Variants in LCTL observed in about 807,000 individuals in gnomAD.
LCTL encodes the protein lactase like, also known as lactase-like protein.
In LCTL, 76 loss-of-function variants were observed where a neutral mutation model predicts 75.8. The ratio of observed to expected loss-of-function variants is 1.00; its 90% confidence interval spans 0.83 to 1.21. The LOEUF (loss-of-function observed/expected upper bound fraction) is 1.21. LCTL is among the 50% of genes most tolerant of loss of function. The probability of loss-of-function intolerance (pLI) is 0.00; values close to 1 mark genes in which losing one functional copy is unlikely to be tolerated. For missense variants in LCTL, 670 were observed against 712.4 expected, an observed-to-expected ratio of 0.94 and a Z score of 0.68; for synonymous variants, 271 against 268.8, an observed-to-expected ratio of 1.01 and a Z score of -0.08.
chr15:66,552,240 C>T (rs897079418), intron 9 of LCTL, 71 bp from the exon 11 acceptor site: 3 of 1,260,196 alleles, frequency 2.4e-6, no homozygotes, highest in Admixed American at 4.5e-5. Flanking sequence ...GTCAGAGGCT[C>T]ATATAGGAAC....
chr15:66,564,930 T>G, intron 1 of LCTL, 91 bp from the exon 3 acceptor site: 1 of 1,242,104 alleles, frequency 8.1e-7, no homozygotes, highest in Non-Finnish European at 1.1e-6. Context: ...CCTCAGGGAC[T>G]GCCCCTCCCT....
At chr15:66,553,605 ATT>A (rs760058586) in intron 8 of LCTL, among the ~76,000 whole-genome samples, 1 of 150,620 alleles carries the variant, frequency 6.6e-6, no homozygotes, top group Non-Finnish European at 1.5e-5. Context: ...AATACAAAAA[ATT>A]AGCCGGGCGT....
intron 12 of LCTL, 44 bp from the exon 14 acceptor site, chr15:66,548,649 C>A: frequency 1.0e-6 from 1 of 1,001,448 alleles, no homozygotes; most frequent in South Asian, 1.3e-5. Flanking sequence ...AGAACAGGAT[C>A]ATTTTAGTAA....
At chr15:66,559,404 A>G (rs1052616671) in intron 6 of LCTL, among the ~76,000 whole-genome samples, 8 of 152,204 alleles carry the variant, frequency 5.3e-5, no homozygotes, top group African/African-American at 1.7e-4. Flanking sequence ...TGTCAAAACA[A>G]TATCAGAATC....
exon 6 of LCTL, chr15:66,561,011 T>A: frequency 6.2e-7 from 1 of 1,613,918 alleles, no homozygotes; most frequent in Non-Finnish European, 8.5e-7. Flanking sequence ...CTCACCTTAA[T>A]GATGTGGTGT....
chr15:66,557,629 C>T, intron 8 of LCTL, 93 bp downstream of exon 9: 1 of 1,276,532 alleles, frequency 7.8e-7, no homozygotes, highest in Non-Finnish European at 1.1e-6. Flanking sequence ...CACCCAGGCC[C>T]AGTGAGCTCT....
At position 66,565,178 on chromosome 15, in the gene LCTL, T is replaced by A; in HGVS notation, c.118+70A>T. ...TCAGGAAGCAAGAACACCAAACTCC[T>A]TGTCAAGTCAGCCAAAGTGGGCAGG... On this transcript the variant is annotated intron_variant, in intron 1 of 12. Transcript: ENST00000341509. 2.9e-6 allele frequency: 3 copies of A among 1,029,888 alleles called. No individual in the cohort carries two copies. The South Asian group carries it at 3.9e-5, about 13-fold the overall frequency. 63.8% of individuals were successfully genotyped at this position (1,029,888 alleles called of 1,614,324 possible). A position where few individuals can be genotyped will look rare whatever the true frequency, so the allele number is the denominator to read the frequency against.
chr15:66,563,453 A>T, intron 4 of LCTL, 63 bp downstream of exon 5: 1 of 1,189,172 alleles, frequency 8.4e-7, no homozygotes, highest in Non-Finnish European at 1.2e-6. Flanking sequence ...CAAGTCCTCA[A>T]ACTGGGCTCC....
At position 66,561,091 on chromosome 15, in the gene LCTL, T is replaced by C. The variant is rs768675091; in HGVS notation, c.620A>G (p.Glu207Gly). 6 of 1,614,076 alleles carry C rather than the reference T, an allele frequency of 3.7e-6. No individual in the cohort carries two copies. The African/African-American group carries it at 8.0e-5, about 22-fold the overall frequency. The change falls in exon 6 of 13, where the codon GAA becomes GGA. Residue 207 changes from glutamate to glycine, a missense_variant. Glu to Gly is a moderately conservative substitution (Grantham distance 98, BLOSUM62 -2). Coordinates refer to ENST00000341509, the Ensembl canonical transcript of LCTL. ...ATGGTGGCCCGTCTCATAGCCTTTT[T>C]CTGCCATTGCCTATAGGGACAGCAA...
exon 7 of LCTL, chr15:66,558,030 C>G: frequency 6.2e-7 from 1 of 1,603,596 alleles, no homozygotes; most frequent in Non-Finnish European, 8.5e-7. Context: ...CAGGCTTTGG[C>G]GTGGGCCTGA....
chr15:66,559,034 GT>G (rs929879964), intron 6 of LCTL, among the ~76,000 whole-genome samples: 7 of 147,318 alleles, frequency 4.8e-5, no homozygotes, highest in Admixed American at 1.4e-4. Flanking sequence ...TTTGTTTTTT[GT>G]TTTTTTTTTC....
intron 6 of LCTL, among the ~76,000 whole-genome samples, chr15:66,559,165 T>A (rs1895821544): frequency 6.6e-6 from 1 of 151,314 alleles, no homozygotes; most frequent in South Asian, 2.1e-4. Flanking sequence ...ACAACAGGCA[T>A]GTGCCACCAC....
exon 5 of LCTL, chr15:66,561,271 G>A (rs201908363): frequency 8.7e-6 from 14 of 1,614,094 alleles, no homozygotes; most frequent in Non-Finnish European, 1.1e-5. Flanking sequence ...TGAAGTAGTT[G>A]GCCATGCTCA....
chr15:66,557,855 G>C lies in LCTL; in HGVS notation c.789C>G (p.Asp263Glu). ...TACTAATGTCCACAGGTTCCCCCCA[G>C]TCACAGTTCAATGAAATTCCCACCA... Residue 263 changes from aspartate (D) to glutamate (E), a missense_variant, in exon 8 of 13, where the codon GAC (aspartate) becomes GAG (glutamate). Asp to Glu is a conservative substitution (Grantham distance 45). Transcript: ENST00000341509. 5.6e-6 allele frequency: 9 copies of C among 1,614,128 alleles called. No homozygotes were observed. Among genetic ancestry groups the C allele is most frequent in the Non-Finnish European group, 7.6e-6 (9 of 1,180,014 alleles).
exon 8 of LCTL, chr15:66,557,758 C>T: frequency 1.2e-6 from 2 of 1,614,072 alleles, no homozygotes; most frequent in Non-Finnish European, 1.7e-6. Context: ...TAGTCACCGG[C>T]ATAAATGGGG....
intron 11 of LCTL, among the ~76,000 whole-genome samples, chr15:66,550,859 G>C (rs1895574267): frequency 6.6e-6 from 1 of 152,004 alleles, no homozygotes; most frequent in African/African-American, 2.4e-5. Flanking sequence ...AAAGTTTTCA[G>C]GTTATTGAAA....
At chr15:66,552,792 A>G (rs145444990) in intron 9 of LCTL, among the ~76,000 whole-genome samples, 192 bp downstream of exon 10, 2 of 152,282 alleles carry the variant, frequency 1.3e-5, no homozygotes, top group African/African-American at 4.8e-5. Flanking sequence ...TTTTTTAGCT[A>G]AAGTTATATA....
chr15:66,562,526 T>C (rs185955697), intron 4 of LCTL, among the ~76,000 whole-genome samples: 1 of 152,176 alleles, frequency 6.6e-6, no homozygotes, highest in Admixed American at 6.5e-5. Context: ...GTGCTTGTGA[T>C]ACTGGCTCAA....
intron 4 of LCTL, among the ~76,000 whole-genome samples, chr15:66,562,334 C>T (rs546358989): frequency 2.5e-4 from 37 of 149,812 alleles, no homozygotes; most frequent in Middle Eastern, 3.4e-3. Flanking sequence ...ACCCAGGAGG[C>T]GGAGGCTGTA....
Sources: gnomAD v4.1 joint callset for allele counts (sites outside exome capture counted in the v4.1 genomes callset) on GRCh38, gnomAD v4.1.1 for gene constraint, MANE v1.5 for transcripts, NCBI Gene and HGNC (gene_info 2026-07-23, HGNC 2026-07-21) for gene names.